TRAPPC4: variants seen among roughly 807,000 people sequenced by gnomAD.
The protein encoded by TRAPPC4 is TRS23 homolog.
TRAPPC4 carries 30 observed loss-of-function variants against 23.5 expected under a neutral mutation model. The observed-to-expected ratio is 1.28, with a 90% CI of 0.96 to 1.73. The LOEUF is 1.73. Ranked by LOEUF, TRAPPC4 falls within the 40% of genes most tolerant of loss-of-function variation. The pLI is 0.00. For missense variants in TRAPPC4, 252 were observed against 268.9 expected (o/e 0.94, Z 0.44); for synonymous variants, 129 against 105.3 (o/e 1.23, Z -1.38).
At chr11:119,021,665 A>G (rs1232357291) in intron 3 of TRAPPC4, 95 bp from the exon 4 acceptor site, 2 of 1,369,526 alleles carry the variant, frequency 1.5e-6, no homozygotes, top group Non-Finnish European at 2.0e-6. Context: ...GGCTTATGAA[A>G]GTGTTTTGCA....
rs199590107 is a variant in TRAPPC4, at chr11:119,022,961, T to TG, written c.582-360_582-359insG. ...TGTGGGGTTTTTTTTGTTGATGTTT[T>TG]TTTTTTTTTTTTTTTTTTTGAGACT... On this transcript the variant is annotated intron_variant, in intron 4 of 4. Transcript: ENST00000533632. 30 of 125,258 alleles carry TG rather than the reference T, an allele frequency of 2.4e-4. 1 individual carries two copies. Among genetic ancestry groups the TG allele is most frequent in the African/African-American group, 5.9e-4 (20 of 34,042 alleles). The allele number at this position is 125,258 out of a possible 1,614,324, so 7.8% of individuals were successfully genotyped here. A position where few individuals can be genotyped will look rare whatever the true frequency, so the allele number is the denominator to read the frequency against.
In TRAPPC4 at chr11:119,018,809, G is replaced by T; in HGVS notation, c.14G>T (p.Ser5Ile). ...GGCAAGGCAGCGATGGCGATTTTTA[G>T]TGTGTATGTGGTGAACAAAGCTGGC... The part of the protein sequence containing the change: MAIF[S>I]VYVVNKAGGL... The change falls in exon 1 of 5, where the codon AGT becomes ATT. Residue 5 changes from serine to isoleucine, a missense_variant. By Grantham distance (142) the Ser-to-Ile change is moderately radical (BLOSUM62 -2). This residue lies in a region of TRAPPC4 where 222 missense variants were observed against 217.8 expected (regional missense o/e 1.02). Coordinates refer to ENST00000533632, the MANE Select transcript of TRAPPC4 (RefSeq NM_016146.6). The T allele has an allele frequency of 6.2e-7, 1 of 1,613,476 alleles. No homozygotes were observed. Among genetic ancestry groups the T allele is most frequent in the Non-Finnish European group, 8.5e-7 (1 of 1,179,420 alleles).
intron 4 of TRAPPC4, among the ~76,000 whole-genome samples, 161 bp downstream of exon 4, chr11:119,022,047 C>T (rs117289748): frequency 3.3e-5 from 5 of 152,052 alleles, no homozygotes; most frequent in Admixed American, 2.0e-4. Context: ...TGCAATGATG[C>T]GATCTTGGCT....
intron 1 of TRAPPC4, 85 bp from the exon 2 acceptor site, chr11:119,019,058 G>T: frequency 3.1e-6 from 5 of 1,589,446 alleles, no homozygotes; most frequent in Non-Finnish European, 4.3e-6. Context: ...CGGGGTTGGG[G>T]GAAAAGGGGT....
At chr11:119,021,585 C>G (rs1943359448) in intron 3 of TRAPPC4, 175 bp from the exon 4 acceptor site, 3 of 638,644 alleles carry the variant, frequency 4.7e-6, no homozygotes. Context: ...CTTCACTTCT[C>G]TGGTCTCATC....
intron 3 of TRAPPC4, chr11:119,021,215 C>T (rs1002903568): frequency 6.5e-6 from 1 of 152,788 alleles, no homozygotes; most frequent in Admixed American, 6.5e-5. Flanking sequence ...ATAGACACAT[C>T]TGTTTGTTTG....
In TRAPPC4 at chr11:119,023,464, T is replaced by G; in HGVS notation, c.*65T>G. 1 of 1,495,238 alleles carries G rather than the reference T, an allele frequency of 6.7e-7. No homozygotes were observed. Among genetic ancestry groups the G allele is most frequent in the Non-Finnish European group, 9.3e-7 (1 of 1,072,920 alleles). The allele number at this position is 1,495,238 out of a possible 1,614,324, so 92.6% of individuals were successfully genotyped here. ...GCAACAAGAATACTGCTGTTGACAC[T>G]CCAGTGGAAATCCCAGCAGCCTTGT... On this transcript the variant is annotated 3_prime_UTR_variant, in exon 5 of 5. Coordinates refer to ENST00000533632, the MANE Select transcript of TRAPPC4 (RefSeq NM_016146.6).
In TRAPPC4 at chr11:119,019,481, AC is replaced by A; in HGVS notation, c.350+167del. The A allele has an allele frequency of 4.1e-6, 3 of 737,004 alleles. No individual in the cohort carries two copies. The South Asian group carries it at 5.7e-5, about 14-fold the overall frequency. 45.7% of individuals were successfully genotyped at this position (737,004 alleles called of 1,614,324 possible). On this transcript the variant is annotated intron_variant, in intron 2 of 4. Coordinates refer to ENST00000533632, the MANE Select transcript of TRAPPC4 (RefSeq NM_016146.6). ...CTGGGTGGGGAGGGGCCGCGGAGTT[AC>A]CCAGGCTGGAGCGCAGTGGCGGGAT...
chr11:119,023,207 C>T (rs893438323), intron 4 of TRAPPC4, 114 bp from the exon 5 acceptor site: 62 of 962,544 alleles, frequency 6.4e-5, no homozygotes, highest in East Asian at 2.2e-4. Context: ...TCAGCTGATC[C>T]GCCCACCTCA....
In TRAPPC4 at chr11:119,023,407, C is replaced by G. The variant is rs374829219; in HGVS notation, c.*8C>G. Reference sequence around the variant, plus strand: ...TTTGGACCTGGGTCATAGGCTGAACCTGTTATGGACCCCCAAATTCTGAGA... The same window carrying G: ...TTTGGACCTGGGTCATAGGCTGAACGTGTTATGGACCCCCAAATTCTGAGA... On this transcript the variant is annotated 3_prime_UTR_variant, in exon 5 of 5. Transcript: ENST00000533632. The G allele has an allele frequency of 4.3e-5, 69 of 1,613,616 alleles. No homozygotes were observed. In the African/African-American group the frequency reaches 8.7e-4, roughly 20 times the overall value.
rs782458344 is a variant in TRAPPC4, at chr11:119,020,222, A to G, written c.423A>G (p.Thr141=). Residue 141 remains threonine, a synonymous_variant, in exon 3 of 5, where the codon ACA becomes ACG. Transcript: ENST00000533632. The part of the protein sequence containing the change: ...SSGIEMLETD[T]FKLHCYQTLT... ...GCATTGAGATGCTGGAGACAGACAC[A>G]TTCAAATTGCACTGCTACCAGACAC... The G allele has an allele frequency of 3.1e-6, 5 of 1,613,832 alleles. 1 individual carries two copies. The South Asian group carries it at 5.5e-5, about 18-fold the overall frequency.
At chr11:119,020,115 C>T in intron 2 of TRAPPC4, 35 bp from the exon 3 acceptor site, 1 of 1,543,594 alleles carries the variant, frequency 6.5e-7, no homozygotes, top group South Asian at 1.1e-5. Flanking sequence ...AGAAGCACTC[C>T]TTCCTTAGAG....
chr11:119,020,164 G>C lies in TRAPPC4; in HGVS notation c.365G>C (p.Gly122Ala). Residue 122 changes from glycine to alanine, a missense_variant, in exon 3 of 5, where the codon GGC becomes GCC. Gly to Ala is a moderately conservative substitution (Grantham distance 60). Around this residue, in one of 3 missense-constraint regions of TRAPPC4, gnomAD observed 222 missense variants for 217.8 expected, o/e 1.02. Coordinates refer to ENST00000533632, the MANE Select transcript of TRAPPC4 (RefSeq NM_016146.6). Reference protein sequence around the residue: ...ASMFHSLFAIGSQLSPEQGSS... With the variant: ...ASMFHSLFAIASQLSPEQGSS... ...TTTGCATATAGGCTCTTTGCCATCG[G>C]CTCCCAGCTGTCTCCTGAACAGGGA... 6.2e-7 allele frequency: 1 copy of C among 1,613,706 alleles called. No homozygotes were observed. Among genetic ancestry groups the C allele is most frequent in the Non-Finnish European group, 8.5e-7 (1 of 1,179,812 alleles).
Position 119,023,232 on chromosome 11 carries a change from ATGT to A in TRAPPC4, c.582-84_582-82del, listed in dbSNP as rs1279828150. ...CGCCCACCTCAGCCTTCCATGATAT[ATGT>A]TGTTCTTCAAGCAGTTTCCCCTGGC... On this transcript the variant is annotated intron_variant, in intron 4 of 4. Transcript: ENST00000533632. 34 of 1,259,460 alleles carry A rather than the reference ATGT, an allele frequency of 2.7e-5. No individual in the cohort carries two copies. In the South Asian group the frequency reaches 3.9e-4, roughly 14 times the overall value. The allele number at this position is 1,259,460 out of a possible 1,614,324, so 78.0% of individuals were successfully genotyped here. A position where few individuals can be genotyped will look rare whatever the true frequency, so the allele number is the denominator to read the frequency against.
Position 119,019,134 on chromosome 11 carries a change from C to T in TRAPPC4, c.176-9C>T, listed in dbSNP as rs782570747. On this transcript the variant is annotated splice_polypyrimidine_tract_variant and intron_variant, in intron 1 of 4. Transcript: ENST00000533632. ...GCACCTTCGCTGACCGTTAGCTTCA[C>T]CTCTGCAGTGGGTCATGCAGTGCTG... 5.0e-6 allele frequency: 8 copies of T among 1,613,034 alleles called. No individual in the cohort carries two copies. Among genetic ancestry groups the T allele is most frequent in the Admixed American group, 3.3e-5 (2 of 59,952 alleles).
intron 3 of TRAPPC4, 46 bp from the exon 4 acceptor site, chr11:119,021,714 T>C (rs1943362422): frequency 1.2e-6 from 2 of 1,605,032 alleles, no homozygotes; most frequent in African/African-American, 2.7e-5. Flanking sequence ...TGACACTATT[T>C]GCTCCAGTGT....
At chr11:119,018,992 G>GGCGGGT in intron 1 of TRAPPC4, 22 bp downstream of exon 1, 1 of 1,606,200 alleles carries the variant, frequency 6.2e-7, no homozygotes, top group Non-Finnish European at 8.5e-7. Context: ...TCGGGCCCGT[G>GGCGGGT]GCGGGTGCGG....
At position 119,023,458 on chromosome 11, in the gene TRAPPC4, T is replaced by G; in HGVS notation, c.*59T>G. On this transcript the variant is annotated 3_prime_UTR_variant, in exon 5 of 5. Transcript: ENST00000533632. ...GTTCCTGCAACAAGAATACTGCTGT[T>G]GACACTCCAGTGGAAATCCCAGCAG... The G allele has an allele frequency of 6.6e-7, 1 of 1,522,974 alleles. No individual in the cohort carries two copies. Among genetic ancestry groups the G allele is most frequent in the Non-Finnish European group, 9.1e-7 (1 of 1,097,560 alleles). The allele number at this position is 1,522,974 out of a possible 1,614,324, so 94.3% of individuals were successfully genotyped here. A position where few individuals can be genotyped will look rare whatever the true frequency, so the allele number is the denominator to read the frequency against.
In TRAPPC4 at chr11:119,023,348, G is replaced by A; in HGVS notation, c.609G>A (p.Lys203=). ...IRCELFDQNL[K]LALEVAEKAG... is the part of the protein sequence containing the mutation. ...GTGAGCTCTTTGACCAGAACCTGAA[G>A]CTAGCTCTGGAGGTGGCAGAGAAGG... Residue 203 remains lysine, a synonymous_variant, in exon 5 of 5, where the codon AAG becomes AAA. Transcript: ENST00000533632. The A allele has an allele frequency of 6.8e-6, 11 of 1,614,106 alleles. No individual in the cohort carries two copies. Among genetic ancestry groups the A allele is most frequent in the Non-Finnish European group, 9.3e-6 (11 of 1,180,002 alleles).
Sources: gnomAD v4.1 joint callset for allele counts (sites outside exome capture counted in the v4.1 genomes callset) on GRCh38, gnomAD v4.1.1 for gene constraint, gnomAD v4.1.1 regional missense constraint, MANE v1.5 for transcripts, NCBI Gene and HGNC (gene_info 2026-07-23, HGNC 2026-07-21) for gene names.